Variants in ZNF728 observed in about 807,000 individuals in gnomAD.
The protein encoded by ZNF728 is zinc finger protein 728.
Under a neutral mutation model 12.5 loss-of-function variants are expected in ZNF728, and 12 were observed. The ratio of observed to expected loss-of-function variants is 0.96; its 90% CI spans 0.61 to 1.55. The LOEUF (loss-of-function observed/expected upper bound fraction) is 1.55. ZNF728 is among the 40% of genes most tolerant of loss of function. ZNF728 has a pLI of 0.00. For synonymous variants in ZNF728, 205 were observed against 240.7 expected (o/e 0.85, Z 1.37); for missense variants, 692 against 719.2 (o/e 0.96, Z 0.43).
chr19:22,990,996 G>T (rs764244874), intron 1 of ZNF728, among the ~76,000 whole-genome samples: 2 of 152,178 alleles, frequency 1.3e-5, no homozygotes, highest in African/African-American at 2.4e-5. Flanking sequence ...CAGTAATGAT[G>T]TTGTTCCCAC....
intron 1 of ZNF728, among the ~76,000 whole-genome samples, chr19:22,988,923 T>C (rs1968950741): frequency 6.6e-6 from 1 of 151,830 alleles, no homozygotes; most frequent in Admixed American, 6.6e-5. Context: ...TGGTGGTGTG[T>C]GCTTGTAATT....
intron 3 of ZNF728, among the ~76,000 whole-genome samples, chr19:22,982,875 G>A (rs1451183816): frequency 1.3e-5 from 2 of 152,076 alleles, no homozygotes; most frequent in Non-Finnish European, 2.9e-5. Flanking sequence ...ATGGATTACA[G>A]ACTTAAATGT....
chr19:22,988,454 G>A lies in ZNF728; in HGVS notation c.4-3C>T. On this transcript the variant is annotated splice_region_variant and splice_polypyrimidine_tract_variant and intron_variant, in intron 1 of 3. Coordinates refer to ENST00000594710, the MANE Select transcript of ZNF728 (RefSeq NM_001267716.2). The stretch of plus-strand genomic sequence containing the variant: ...ACATCCCGAAATGTCAACGATCCCT[G>A]GAAAACACACACAAACACACATATT... 2 of 1,613,656 alleles carry A rather than the reference G, an allele frequency of 1.2e-6. No homozygotes were observed. The highest frequency in any genetic ancestry group is 1.7e-6 in the Non-Finnish European group (2 of 1,179,822).
At chr19:22,993,888 G>A (rs1969019226) in intron 1 of ZNF728, among the ~76,000 whole-genome samples, 2 of 152,106 alleles carry the variant, frequency 1.3e-5, no homozygotes, top group South Asian at 4.1e-4. Flanking sequence ...GCATTCCTCA[G>A]ACAAAAACTT....
Position 23,003,131 on chromosome 19 carries a change from A to T in ZNF728, c.-101T>A, listed in dbSNP as rs958926164. ...GGGCCTTTAGGAGCGGACGACACAC[A>T]GCAGTAAGGACGACACCTTGACCTC... On this transcript the variant is annotated 5_prime_UTR_variant, in exon 1 of 4. Coordinates refer to ENST00000594710, the MANE Select transcript of ZNF728 (RefSeq NM_001267716.2). 7.2e-7 allele frequency: 1 copy of T among 1,388,286 alleles called. No homozygotes were observed. Among genetic ancestry groups the T allele is most frequent in the Non-Finnish European group, 9.7e-7 (1 of 1,029,484 alleles). The allele number at this position is 1,388,286 out of a possible 1,614,324, so 86.0% of individuals were successfully genotyped here.
At chr19:22,986,914 C>G (rs1968922531) in intron 3 of ZNF728, among the ~76,000 whole-genome samples, 1 of 151,978 alleles carries the variant, frequency 6.6e-6, no homozygotes, top group Admixed American at 6.6e-5. Flanking sequence ...GATACAGAAA[C>G]CACTACTCTC....
chr19:23,002,988 G>T (rs773627102), intron 1 of ZNF728, 40 bp downstream of exon 1: 20 of 1,587,362 alleles, frequency 1.3e-5, no homozygotes, highest in Middle Eastern at 1.7e-4. Context: ...TCCAACCAGC[G>T]GCTGCCACTC....
chr19:22,995,852 TA>T (rs758823119), intron 1 of ZNF728: 4 of 152,232 alleles, frequency 2.6e-5, no homozygotes, highest in African/African-American at 4.8e-5. Flanking sequence ...CACTTTTTTA[TA>T]AAAAATTGAA....
chr19:22,997,728 T>TA (rs112287289), intron 1 of ZNF728, among the ~76,000 whole-genome samples: 1,750 of 135,270 alleles, frequency 0.013, 14 homozygotes, highest in African/African-American at 0.025. Flanking sequence ...TAAATCTATT[T>TA]AAAAAAAAAA....
At chr19:22,980,202 CAAA>C (rs59991122) in intron 3 of ZNF728, among the ~76,000 whole-genome samples, 45 of 114,446 alleles carry the variant, frequency 3.9e-4, no homozygotes, top group African/African-American at 1.2e-3. Context: ...AAAAAAGAAA[CAAA>C]AAAAAAAAAA....
intron 1 of ZNF728, among the ~76,000 whole-genome samples, chr19:23,000,784 C>T (rs542301093): frequency 6.8e-6 from 1 of 146,090 alleles, no homozygotes; most frequent in South Asian, 2.2e-4. Flanking sequence ...ATGAGAATCA[C>T]TTGAACTCGT....
chr19:22,999,386 C>A (rs1326531773), intron 1 of ZNF728, among the ~76,000 whole-genome samples: 4 of 152,044 alleles, frequency 2.6e-5, no homozygotes, highest in Non-Finnish European at 4.4e-5. Context: ...TTAACTGCAT[C>A]TGTCTGTGGG....
chr19:22,980,076 G>A (rs763552560), intron 3 of ZNF728, among the ~76,000 whole-genome samples: 2 of 151,370 alleles, frequency 1.3e-5, no homozygotes, highest in Non-Finnish European at 2.9e-5. Context: ...AAATTGAATA[G>A]AGTCAAGATC....
intron 3 of ZNF728, among the ~76,000 whole-genome samples, chr19:22,979,903 A>G (rs925239478): frequency 3.9e-5 from 6 of 152,282 alleles, no homozygotes; most frequent in Admixed American, 1.3e-4. Context: ...CACTGCAAAA[A>G]CATACCAAAT....
intron 1 of ZNF728, among the ~76,000 whole-genome samples, chr19:22,993,964 G>A (rs1286279058): frequency 2.0e-5 from 3 of 152,078 alleles, no homozygotes; most frequent in Admixed American, 6.6e-5. Flanking sequence ...GGTCCTGCAT[G>A]GGTAAAATAG....
chr19:23,000,936 C>T (rs1052232332), intron 1 of ZNF728, among the ~76,000 whole-genome samples: 64 of 145,204 alleles, frequency 4.4e-4, no homozygotes, highest in African/African-American at 1.4e-3. Context: ...TGCATTTAAT[C>T]ATGTCAAGGT....
intron 1 of ZNF728, among the ~76,000 whole-genome samples, chr19:22,991,265 G>A (rs1373986103): frequency 6.6e-6 from 1 of 152,200 alleles, no homozygotes; most frequent in Non-Finnish European, 1.5e-5. Context: ...TGATGTTACA[G>A]AGTGCTGTGA....
chr19:22,993,848 C>T (rs1568277761), intron 1 of ZNF728, among the ~76,000 whole-genome samples: 2 of 152,098 alleles, frequency 1.3e-5, no homozygotes, highest in Non-Finnish European at 2.9e-5. Flanking sequence ...CATTTTAATG[C>T]CTCTCTGAGT....
At chr19:22,991,692 T>C (rs1968989773) in intron 1 of ZNF728, among the ~76,000 whole-genome samples, 2 of 152,160 alleles carry the variant, frequency 1.3e-5, no homozygotes. Flanking sequence ...ACAGGATTCA[T>C]GACTCAAAAC....
Sources: gnomAD v4.1 joint callset for allele counts (sites outside exome capture counted in the v4.1 genomes callset) on GRCh38, gnomAD v4.1.1 for gene constraint, MANE v1.5 for transcripts, NCBI Gene and HGNC (gene_info 2026-07-23, HGNC 2026-07-21) for gene names.